Variants in AHI1 observed in about 807,000 individuals in gnomAD.
The protein encoded by AHI1 is Abelson helper integration site 1.
Under a neutral mutation model 149.3 loss-of-function variants are expected in AHI1, and 123 were observed. The ratio of observed to expected loss-of-function variants is 0.82; its 90% CI spans 0.71 to 0.96. The LOEUF (loss-of-function observed/expected upper bound fraction) is 0.96, where lower values mean the gene tolerates loss of function less well. AHI1 is among the 40% of genes least tolerant of loss of function. The pLI, the probability that AHI1 is intolerant of heterozygous loss-of-function variation, is 0.00. For missense variants in AHI1, 1,439 were observed against 1,422.7 expected (o/e 1.01, Z -0.18); for synonymous variants, 475 against 459.8 (o/e 1.03, Z -0.42).
At chr6:135,389,618 A>G (rs560763853) in intron 23 of AHI1, among the ~76,000 whole-genome samples, 5 of 152,248 alleles carry the variant, frequency 3.3e-5, no homozygotes, top group Admixed American at 6.5e-5. Context: ...TAAGTTTACA[A>G]TTAATAAAGA....
chr6:135,290,130 A>T (rs1415154178), intron 28 of AHI1, among the ~76,000 whole-genome samples: 1 of 152,138 alleles, frequency 6.6e-6, no homozygotes, highest in Non-Finnish European at 1.5e-5. Flanking sequence ...GTTTTCCACT[A>T]GTTACTGCCT....
intron 7 of AHI1, among the ~76,000 whole-genome samples, 158 bp downstream of exon 7, chr6:135,465,656 T>C (rs980006350): frequency 6.6e-6 from 1 of 152,238 alleles, no homozygotes; most frequent in African/African-American, 2.4e-5. Context: ...TAGTACATAG[T>C]AAGGTGTTAT....
chr6:135,293,367 G>C (rs1032514783), intron 27 of AHI1, among the ~76,000 whole-genome samples: 2 of 117,852 alleles, frequency 1.7e-5, no homozygotes, highest in African/African-American at 6.8e-5. Flanking sequence ...CATTGTATTA[G>C]AGGTTCTACC....
At chr6:135,450,100 G>A (rs1787868727) in intron 11 of AHI1, among the ~76,000 whole-genome samples, 2 of 152,104 alleles carry the variant, frequency 1.3e-5, no homozygotes, top group Admixed American at 1.3e-4. Flanking sequence ...CAAGAAAAGT[G>A]GGTTAAAGAT....
At chr6:135,418,857 T>C (rs1475056304) in intron 20 of AHI1, among the ~76,000 whole-genome samples, 1 of 151,302 alleles carries the variant, frequency 6.6e-6, no homozygotes, top group Non-Finnish European at 1.5e-5. Context: ...TCCCTATAAG[T>C]TGGTAGTTCT....
At chr6:135,453,022 C>T (rs577633125) in intron 11 of AHI1, among the ~76,000 whole-genome samples, 153 of 152,298 alleles carry the variant, frequency 1.0e-3, no homozygotes, top group Admixed American at 2.1e-3. Context: ...AATTTGTCAT[C>T]TTTGTCCACT....
intron 23 of AHI1, chr6:135,388,087 C>A: frequency 6.3e-7 from 1 of 1,585,676 alleles, no homozygotes; most frequent in Non-Finnish European, 8.6e-7. Context: ...ATTTTTGATT[C>A]TTTTTAGTAC....
In AHI1 at chr6:135,410,719, T is replaced by C. The variant is rs182669878; in HGVS notation, c.2961+629A>G. 2.5e-3 allele frequency among the ~76,000 whole-genome samples: 380 copies of C among 152,370 alleles called. 2 individuals are homozygous for C. The highest frequency in any genetic ancestry group is 8.5e-3 in the African/African-American group (353 of 41,602). On this transcript the variant is annotated intron_variant, in intron 21 of 28. Transcript: ENST00000265602. ...CTTAGATGTCTTTCTAAAATCAAAATCTTGGGACTCTCATCTCTTCATTAA... is the reference window on the plus strand; with the variant it reads ...CTTAGATGTCTTTCTAAAATCAAAACCTTGGGACTCTCATCTCTTCATTAA...
chr6:135,298,881 A>G (rs927242993), intron 27 of AHI1, among the ~76,000 whole-genome samples: 12 of 152,030 alleles, frequency 7.9e-5, no homozygotes, highest in African/African-American at 1.9e-4. Context: ...TGTAGGAGAC[A>G]TTTTTTCATT....
intron 20 of AHI1, among the ~76,000 whole-genome samples, chr6:135,418,268 G>C (rs1334120829): frequency 2.0e-5 from 3 of 152,062 alleles, no homozygotes; most frequent in African/African-American, 4.8e-5. Context: ...AAGGTGCTAA[G>C]TGGTATAGCA....
At chr6:135,398,665 T>C (rs1283127772) in intron 22 of AHI1, among the ~76,000 whole-genome samples, 1 of 152,220 alleles carries the variant, frequency 6.6e-6, no homozygotes, top group Non-Finnish European at 1.5e-5. Flanking sequence ...TCAATGCATC[T>C]TGGTTTTCTC....
intron 24 of AHI1, among the ~76,000 whole-genome samples, chr6:135,333,346 C>T (rs942671851): frequency 6.6e-6 from 1 of 152,104 alleles, no homozygotes; most frequent in Non-Finnish European, 1.5e-5. Flanking sequence ...CTAATAGTGA[C>T]ACTAGGACTA....
intron 5 of AHI1, among the ~76,000 whole-genome samples, chr6:135,471,250 C>T (rs1179217550): frequency 2.0e-5 from 3 of 152,196 alleles, no homozygotes; most frequent in Non-Finnish European, 2.9e-5. Flanking sequence ...ACTGATCTGT[C>T]AGCCTTTGCA....
intron 20 of AHI1, among the ~76,000 whole-genome samples, chr6:135,421,297 C>T (rs1783115864): frequency 6.6e-6 from 1 of 151,982 alleles, no homozygotes; most frequent in Non-Finnish European, 1.5e-5. Context: ...GGAAAAATGG[C>T]GCCCACAGAC....
intron 24 of AHI1, among the ~76,000 whole-genome samples, chr6:135,328,947 C>T (rs1788122167): frequency 6.6e-6 from 1 of 152,150 alleles, no homozygotes; most frequent in Admixed American, 6.5e-5. Flanking sequence ...CAAGCCACAA[C>T]ATTCTCTTAA....
At chr6:135,347,737 C>T (rs1409291946) in intron 24 of AHI1, among the ~76,000 whole-genome samples, 1 of 152,174 alleles carries the variant, frequency 6.6e-6, no homozygotes, top group Non-Finnish European at 1.5e-5. Context: ...AGAACACCCA[C>T]AGCTATAAAT....
intron 20 of AHI1, among the ~76,000 whole-genome samples, chr6:135,417,575 G>A (rs988431191): frequency 6.6e-5 from 10 of 151,654 alleles, no homozygotes; most frequent in Non-Finnish European, 1.2e-4. Flanking sequence ...TATGCCTTTC[G>A]GAAGGATTAA....
intron 5 of AHI1, among the ~76,000 whole-genome samples, chr6:135,489,591 T>C (rs1462159216): frequency 6.6e-6 from 1 of 152,164 alleles, no homozygotes; most frequent in Non-Finnish European, 1.5e-5. Flanking sequence ...TGTGCACTAG[T>C]ACCACCAGAA....
chr6:135,496,828 A>G (rs1796030023), intron 2 of AHI1, among the ~76,000 whole-genome samples: 1 of 152,218 alleles, frequency 6.6e-6, no homozygotes, highest in African/African-American at 2.4e-5. Flanking sequence ...CTAACTTCAT[A>G]AATATTATTC....
Sources: gnomAD v4.1 joint callset for allele counts (sites outside exome capture counted in the v4.1 genomes callset) on GRCh38, gnomAD v4.1.1 for gene constraint, MANE v1.5 for transcripts, NCBI Gene and HGNC (gene_info 2026-07-23, HGNC 2026-07-21) for gene names.